OR56A3: variants seen among roughly 807,000 people sequenced by gnomAD.
The protein encoded by OR56A3 is olfactory receptor 56A3.
In OR56A3, 23 loss-of-function variants were observed where a neutral mutation model predicts 17.5. The ratio of observed to expected loss-of-function variants is 1.32; its 90% confidence interval spans 0.95 to 1.87. The LOEUF (loss-of-function observed/expected upper bound fraction) is 1.87. OR56A3 is among the 40% of genes most tolerant of loss of function. OR56A3 has a pLI of 0.00. For synonymous variants in OR56A3, 175 were observed against 150.6 expected (o/e 1.16, Z -1.19); for missense variants, 366 against 380.1 (o/e 0.96, Z 0.31).
chr11:6,019,460 A>C, the OR56A3 span: 2 of 152,288 alleles, frequency 1.3e-5, no homozygotes, highest in South Asian at 2.1e-4. Flanking sequence ...TTACAAAAGA[A>C]ATAGGTTTAA....
At chr11:6,007,817 A>G in the OR56A3 span, among the ~76,000 whole-genome samples, 1 of 152,170 alleles carries the variant, frequency 6.6e-6, no homozygotes, top group Non-Finnish European at 1.5e-5. Flanking sequence ...TGGCCAGTTG[A>G]GGGGAGCAGA....
chr11:5,986,777 G>C, the OR56A3 span: 1 of 1,613,928 alleles, frequency 6.2e-7, no homozygotes, highest in African/African-American at 1.3e-5. Flanking sequence ...AGGAGGTAAA[G>C]GATGCCCAGG....
the OR56A3 span, among the ~76,000 whole-genome samples, chr11:5,995,518 G>A: frequency 3.3e-5 from 5 of 152,070 alleles, no homozygotes; most frequent in East Asian, 7.7e-4. Flanking sequence ...AGTTTGGTTC[G>A]ATTTCTGGGT....
At chr11:5,964,623 T>G in the OR56A3 span, among the ~76,000 whole-genome samples, 1 of 152,218 alleles carries the variant, frequency 6.6e-6, no homozygotes, top group Non-Finnish European at 1.5e-5. Flanking sequence ...CAGATCTGCA[T>G]GTAGTTATGG....
At chr11:5,980,899 T>G in the OR56A3 span, among the ~76,000 whole-genome samples, 12 of 152,180 alleles carry the variant, frequency 7.9e-5, no homozygotes, top group Non-Finnish European at 1.2e-4. Flanking sequence ...AAAAAGGATT[T>G]TATTTCTTCT....
the OR56A3 span, among the ~76,000 whole-genome samples, chr11:5,987,568 C>G: frequency 6.6e-6 from 1 of 152,186 alleles, no homozygotes; most frequent in Admixed American, 6.5e-5. Flanking sequence ...TCAACATATT[C>G]AACATTGGAT....
chr11:5,979,374 T>C, the OR56A3 span, among the ~76,000 whole-genome samples: 1 of 143,544 alleles, frequency 7.0e-6, no homozygotes, highest in African/African-American at 2.4e-5. Context: ...GTTAGGTTTT[T>C]TTTATGACTG....
Position 5,948,475 on chromosome 11 carries a change from A to G in OR56A3, c.*181A>G. ...CTATCTTCCTTTTCACCCTTTTCTC[A>G]GAAATATTCTTGGCCCTCTCTCGTT... is the stretch of plus-strand genomic sequence containing the variant. On this transcript the variant is annotated 3_prime_UTR_variant, in exon 3 of 3. Transcript: ENST00000641160. The G allele has an allele frequency of 1.8e-6, 1 of 562,314 alleles. No individual in the cohort carries two copies. The highest frequency in any genetic ancestry group is 3.1e-6 in the Non-Finnish European group (1 of 319,100). 34.8% of individuals were successfully genotyped at this position (562,314 alleles called of 1,614,324 possible). A position where few individuals can be genotyped will look rare whatever the true frequency, so the allele number is the denominator to read the frequency against.
the OR56A3 span, among the ~76,000 whole-genome samples, chr11:5,963,419 T>C: frequency 2.0e-5 from 3 of 152,206 alleles, no homozygotes; most frequent in African/African-American, 7.2e-5. Flanking sequence ...CTCTCCTTCA[T>C]TTTTGAAGGA....
At chr11:6,016,443 A>G in the OR56A3 span, among the ~76,000 whole-genome samples, 1 of 152,174 alleles carries the variant, frequency 6.6e-6, no homozygotes, top group Non-Finnish European at 1.5e-5. Flanking sequence ...TACTGCAAGC[A>G]CCCAAAATCA....
downstream of OR56A3, among the ~76,000 whole-genome samples, chr11:5,955,380 T>C (rs749753172): frequency 6.6e-6 from 1 of 152,066 alleles, no homozygotes; most frequent in Non-Finnish European, 1.5e-5. Context: ...TTATTAGCAG[T>C]GGAGAATCTG....
At chr11:6,002,533 G>T in the OR56A3 span, 4 of 1,614,156 alleles carry the variant, frequency 2.5e-6, no homozygotes, top group South Asian at 1.1e-5. Context: ...AAGGCATTCC[G>T]GGCTATAACA....
chr11:5,970,101 G>T, the OR56A3 span, among the ~76,000 whole-genome samples: 1 of 152,164 alleles, frequency 6.6e-6, no homozygotes, highest in African/African-American at 2.4e-5. Flanking sequence ...GAGTTTATTG[G>T]ATCTGTAAAC....
chr11:5,979,785 T>A, the OR56A3 span, among the ~76,000 whole-genome samples: 1 of 152,062 alleles, frequency 6.6e-6, no homozygotes, highest in African/African-American at 2.4e-5. Flanking sequence ...TTCCTCTAGG[T>A]GGGAAGTTAG....
At chr11:5,964,337 TATATC>T in the OR56A3 span, among the ~76,000 whole-genome samples, 3 of 152,218 alleles carry the variant, frequency 2.0e-5, no homozygotes, top group Non-Finnish European at 4.4e-5. Flanking sequence ...GGTAGGTAGT[TATATC>T]AGTCATCACA....
At chr11:5,977,411 G>A in the OR56A3 span, among the ~76,000 whole-genome samples, 73 of 152,284 alleles carry the variant, frequency 4.8e-4, no homozygotes, top group Middle Eastern at 0.014. Context: ...CCATTTGACT[G>A]CTATAAAATG....
the OR56A3 span, chr11:6,001,335 A>C: frequency 6.6e-6 from 1 of 152,260 alleles, no homozygotes; most frequent in Non-Finnish European, 1.5e-5. Context: ...CAAACAGTAC[A>C]ACTCCTCCCC....
chr11:6,005,986 A>G, the OR56A3 span, among the ~76,000 whole-genome samples: 4 of 152,216 alleles, frequency 2.6e-5, no homozygotes, highest in Non-Finnish European at 4.4e-5. Context: ...GGAGAGTCCC[A>G]AATAGTTCAA....
the OR56A3 span, among the ~76,000 whole-genome samples, chr11:5,995,738 G>A: frequency 1.3e-5 from 2 of 152,102 alleles, no homozygotes; most frequent in Non-Finnish European, 2.9e-5. Context: ...TTTGTGGTGA[G>A]AACACCACCA....
Sources: allele counts gnomAD v4.1 joint callset (sites outside exome capture counted in the v4.1 genomes callset), GRCh38; gene constraint gnomAD v4.1.1; transcripts MANE v1.5; gene names NCBI Gene and HGNC (gene_info 2026-07-23, HGNC 2026-07-21).